CRPPA: variants seen among roughly 807,000 people sequenced by gnomAD.
The protein encoded by CRPPA is CDP-L-ribitol pyrophosphorylase A.
Under a neutral mutation model 52.0 loss-of-function variants are expected in CRPPA, and 43 were observed. The observed-to-expected ratio is 0.83, with a 90% CI of 0.65 to 1.07. CRPPA has a LOEUF of 1.07. Among genes scored for constraint, CRPPA ranks in the 50% least tolerant of loss-of-function variants. CRPPA has a pLI of 0.00. For missense variants in CRPPA, 629 were observed against 551.7 expected, an observed-to-expected ratio of 1.14 and a Z score of -1.40; for synonymous variants, 250 against 203.5, an observed-to-expected ratio of 1.23 and a Z score of -1.94.
At chr7:16,362,636 A>T (rs1786485414) in intron 3 of CRPPA, among the ~76,000 whole-genome samples, 1 of 152,218 alleles carries the variant, frequency 6.6e-6, no homozygotes, top group Non-Finnish European at 1.5e-5. Flanking sequence ...TTGCCTGGAC[A>T]CCTGAGGTAT....
Position 16,087,931 on chromosome 7 carries a change from A to G in CRPPA, c.*3764T>C, listed in dbSNP as rs1165753488. The G allele has an allele frequency of 3.9e-5, 6 of 152,220 alleles. No homozygotes were observed. Among genetic ancestry groups the G allele is most frequent in the African/African-American group, 1.2e-4 (5 of 41,468 alleles). The allele number at this position is 152,220 out of a possible 1,614,324, so 9.4% of individuals were successfully genotyped here. ...TAAGACATTCTGTAATTTGATTTTT[A>G]TAAGATGATCACTGTATTTACATAA... On this transcript the variant is annotated 3_prime_UTR_variant, in exon 10 of 10. Transcript: ENST00000407010.
At chr7:16,244,643 C>A (rs1261907534) in intron 8 of CRPPA, among the ~76,000 whole-genome samples, 1 of 152,154 alleles carries the variant, frequency 6.6e-6, no homozygotes, top group Admixed American at 6.5e-5. Context: ...CTTTAAATAT[C>A]TGTTCTTGTA....
chr7:16,335,289 G>C (rs1785653497), intron 3 of CRPPA, among the ~76,000 whole-genome samples: 1 of 152,034 alleles, frequency 6.6e-6, no homozygotes, highest in Non-Finnish European at 1.5e-5. Context: ...GGAGGTCAAG[G>C]CTGCAATGAG....
intron 8 of CRPPA, among the ~76,000 whole-genome samples, chr7:16,249,226 A>T (rs924532745): frequency 6.6e-6 from 1 of 152,140 alleles, no homozygotes; most frequent in Non-Finnish European, 1.5e-5. Flanking sequence ...CAGCAGCCCC[A>T]GTCAGGGGCT....
At chr7:16,255,156 TAGAG>T (rs771485268) in intron 8 of CRPPA, among the ~76,000 whole-genome samples, 39 of 151,792 alleles carry the variant, frequency 2.6e-4, no homozygotes, top group Admixed American at 6.6e-5. Flanking sequence ...ATCAGACAAA[TAGAG>T]AGCCAAATCA....
At chr7:16,129,849 T>C (rs920321811) in intron 9 of CRPPA, among the ~76,000 whole-genome samples, 3 of 152,214 alleles carry the variant, frequency 2.0e-5, no homozygotes, top group South Asian at 2.1e-4. Flanking sequence ...CCTTTCCTCA[T>C]TGGTATCCAA....
rs574425402 is a variant in CRPPA, at chr7:16,335,863, C to A, written c.685-27236G>T. Among the ~76,000 whole-genome samples the A allele has an allele frequency of 3.3e-5, 5 of 152,252 alleles. No homozygotes were observed. The East Asian group carries it at 9.7e-4, about 29-fold the overall frequency. ...AAACCAAAAGAAACAATATTCAAAGCAGTGGGCGGGTAAGAAACGTTATTC... is the reference window on the plus strand; with the variant it reads ...AAACCAAAAGAAACAATATTCAAAGAAGTGGGCGGGTAAGAAACGTTATTC... On this transcript the variant is annotated intron_variant, in intron 3 of 9. Transcript: ENST00000407010.
Position 16,134,172 on chromosome 7 carries a change from C to T in CRPPA, c.1252-42373G>A, listed in dbSNP as rs766851972. 4.8e-5 allele frequency among the ~76,000 whole-genome samples: 6 copies of T among 125,100 alleles called. 1 individual carries two copies. The highest frequency in any genetic ancestry group is 1.1e-4 in the Non-Finnish European group (6 of 54,858). The allele number at this position is 125,100 out of a possible 152,430, so 82.1% of individuals were successfully genotyped here. Reference sequence around the variant, plus strand: ...GGTCTCAATCCCCTGACCTCGTGATCCGCCCGCCTCGGCCCCCTAAAGTGC... The same window carrying T: ...GGTCTCAATCCCCTGACCTCGTGATTCGCCCGCCTCGGCCCCCTAAAGTGC... On this transcript the variant is annotated intron_variant, in intron 9 of 9. Coordinates refer to ENST00000407010, the MANE Select transcript of CRPPA (RefSeq NM_001101426.4).
intron 3 of CRPPA, among the ~76,000 whole-genome samples, chr7:16,349,828 C>A (rs1176811694): frequency 6.6e-6 from 1 of 151,718 alleles, no homozygotes; most frequent in East Asian, 1.9e-4. Context: ...ACAGAAGAAA[C>A]ATAAAACATA....
chr7:16,193,049 G>C (rs10236851), intron 9 of CRPPA, among the ~76,000 whole-genome samples: 4,355 of 152,074 alleles, frequency 0.029, 205 homozygotes, highest in African/African-American at 0.1. Flanking sequence ...GCATTTCCAT[G>C]CAAATTTGAA....
chr7:16,216,731 A>T (rs1033895588), intron 8 of CRPPA, among the ~76,000 whole-genome samples: 11 of 152,140 alleles, frequency 7.2e-5, no homozygotes, highest in Non-Finnish European at 1.5e-4. Context: ...CGCTTTTCGG[A>T]CCAGCTTAAA....
intron 8 of CRPPA, among the ~76,000 whole-genome samples, chr7:16,254,096 C>T (rs1293745384): frequency 3.3e-5 from 5 of 151,946 alleles, no homozygotes; most frequent in Non-Finnish European, 4.4e-5. Flanking sequence ...CAACAGATGC[C>T]GGAGAGGATG....
intron 2 of CRPPA, among the ~76,000 whole-genome samples, chr7:16,403,188 A>G (rs933877583): frequency 1.3e-5 from 2 of 152,218 alleles, no homozygotes; most frequent in South Asian, 4.1e-4. Context: ...AAAAACTATC[A>G]TCATTAAAGT....
rs1562622600 is a variant in CRPPA at position 16,308,623 on chromosome 7, C to A, written c.689G>T (p.Ser230Ile). 6.3e-7 allele frequency: 1 copy of A among 1,582,472 alleles called. No individual in the cohort carries two copies. Among genetic ancestry groups the A allele is most frequent in the Admixed American group, 1.7e-5 (1 of 59,304 alleles). Residue 230 changes from serine (S) to isoleucine (I), a missense_variant, in exon 4 of 10, where the codon AGT becomes ATT. By Grantham distance (142) the Ser-to-Ile change is moderately radical. Transcript: ENST00000407010. Reference protein sequence around the residue: ...DVIYEAYQQCSDYDLEFGTEC... With the variant: ...DVIYEAYQQCIDYDLEFGTEC... Reference sequence around the variant, plus strand: ...AGTTCCAAATTCCAAGTCATAGTCACTACACTGGTGTGGAAACAACAACAA... The same window carrying A: ...AGTTCCAAATTCCAAGTCATAGTCAATACACTGGTGTGGAAACAACAACAA...
chr7:16,146,489 T>C lies in CRPPA; in HGVS notation c.1252-54690A>G, dbSNP rs62440367. Among the ~76,000 whole-genome samples, 1,425 of 152,244 alleles carry C rather than the reference T, an allele frequency of 9.4e-3. 9 individuals are homozygous for C. The highest frequency in any genetic ancestry group is 0.016 in the Non-Finnish European group (1,117 of 68,012). Reference sequence around the variant, plus strand: ...ATAATCAAACTCAGAATATTAATATTGTAATGGTGATAACACAAATCACTT... The same window carrying C: ...ATAATCAAACTCAGAATATTAATATCGTAATGGTGATAACACAAATCACTT... On this transcript the variant is annotated intron_variant, in intron 9 of 9. Transcript: ENST00000407010.
At position 16,199,750 on chromosome 7, in the gene CRPPA, G is replaced by A. The variant is rs148812054; in HGVS notation, c.1251+16316C>T. Among the ~76,000 whole-genome samples, 44 of 151,784 alleles carry A rather than the reference G, an allele frequency of 2.9e-4. 1 individual carries two copies. In the East Asian group the frequency reaches 8.5e-3, roughly 29 times the overall value. On this transcript the variant is annotated intron_variant, in intron 9 of 9. Coordinates refer to ENST00000407010, the MANE Select transcript of CRPPA (RefSeq NM_001101426.4). Reference sequence around the variant, plus strand: ...ATTCACTACAGCAAATTCCTTAATGGTGTTTCTGGTTTCCAGATTTTGTGA... The same window carrying A: ...ATTCACTACAGCAAATTCCTTAATGATGTTTCTGGTTTCCAGATTTTGTGA...
chr7:16,396,069 C>A (rs1255842697), intron 2 of CRPPA, among the ~76,000 whole-genome samples: 1 of 152,124 alleles, frequency 6.6e-6, no homozygotes, highest in Non-Finnish European at 1.5e-5. Context: ...TGCATTCTCA[C>A]AAGTAAAATT....
At chr7:16,130,705 G>A (rs556032076) in intron 9 of CRPPA, among the ~76,000 whole-genome samples, 1 of 152,258 alleles carries the variant, frequency 6.6e-6, no homozygotes, top group South Asian at 2.1e-4. Flanking sequence ...TTAAAATTAG[G>A]TCCAGATGAA....
At chr7:16,295,040 C>A (rs1784643845) in intron 5 of CRPPA, among the ~76,000 whole-genome samples, 1 of 152,048 alleles carries the variant, frequency 6.6e-6, no homozygotes, top group African/African-American at 2.4e-5. Flanking sequence ...TAGTTCTCAG[C>A]AATTCTGAAC....
Sources: allele counts gnomAD v4.1 joint callset (sites outside exome capture counted in the v4.1 genomes callset), GRCh38; gene constraint gnomAD v4.1.1; transcripts MANE v1.5; gene names NCBI Gene and HGNC (gene_info 2026-07-23, HGNC 2026-07-21).